Variants in VDAC1 observed in about 807,000 individuals in gnomAD.
VDAC1 encodes the protein non-selective voltage-gated ion channel VDAC1.
A neutral mutation model predicts 34.7 loss-of-function variants in VDAC1; 10 were observed. That is an observed-to-expected ratio of 0.29 (90% CI 0.18 to 0.49). The LOEUF (loss-of-function observed/expected upper bound fraction) is 0.49, where lower values mean the gene tolerates loss of function less well. Ranked by LOEUF, VDAC1 falls within the 20% of genes least tolerant of loss-of-function variation. The pLI is 0.99. For missense variants in VDAC1, 230 were observed against 347.9 expected, an observed-to-expected ratio of 0.66 and a Z score of 2.69; for synonymous variants, 130 against 136.0, an observed-to-expected ratio of 0.96 and a Z score of 0.30.
chr5:134,107,827 A>T, the VDAC1 span, among the ~76,000 whole-genome samples: 1 of 152,196 alleles, frequency 6.6e-6, no homozygotes, highest in Non-Finnish European at 1.5e-5. Context: ...GCTCTTTGAG[A>T]CAAATATTAC....
At chr5:133,984,448 G>A (rs1328540805) in intron 5 of VDAC1, among the ~76,000 whole-genome samples, 2 of 147,234 alleles carry the variant, frequency 1.4e-5, no homozygotes, top group African/African-American at 5.0e-5. Context: ...GTGTGTGTGT[G>A]TGTGTGTGTG....
chr5:134,068,204 T>C, the VDAC1 span, among the ~76,000 whole-genome samples: 1 of 152,220 alleles, frequency 6.6e-6, no homozygotes, highest in African/African-American at 2.4e-5. Flanking sequence ...CAGTTTATTT[T>C]TTTTTCTCAT....
chr5:134,035,042 C>T, the VDAC1 span, among the ~76,000 whole-genome samples: 1 of 151,860 alleles, frequency 6.6e-6, no homozygotes. Context: ...CTAGGAGCAA[C>T]GACACTCCCA....
the VDAC1 span, among the ~76,000 whole-genome samples, chr5:134,039,558 T>TGACCTCGTGATCCGCC: frequency 2.0e-5 from 3 of 152,110 alleles, no homozygotes; most frequent in Non-Finnish European, 2.9e-5. Context: ...CTCGATCTGC[T>TGACCTCGTGATCCGCC]GACCTCGTGA....
chr5:134,098,562 T>C, the VDAC1 span, among the ~76,000 whole-genome samples: 8 of 152,216 alleles, frequency 5.3e-5, no homozygotes, highest in Non-Finnish European at 1.0e-4. Flanking sequence ...TCTGCTAACC[T>C]CTGACAATGC....
At chr5:134,065,885 C>A in the VDAC1 span, among the ~76,000 whole-genome samples, 1 of 138,608 alleles carries the variant, frequency 7.2e-6, no homozygotes, top group South Asian at 2.3e-4. Flanking sequence ...CCTCTGCCTT[C>A]TGGTTTCAAG....
At chr5:134,086,251 ACTGC>A in the VDAC1 span, among the ~76,000 whole-genome samples, 1 of 152,158 alleles carries the variant, frequency 6.6e-6, no homozygotes, top group Non-Finnish European at 1.5e-5. Context: ...TAGACATGAA[ACTGC>A]TTTAGAAAGA....
chr5:134,034,753 G>A, the VDAC1 span, among the ~76,000 whole-genome samples: 1 of 152,196 alleles, frequency 6.6e-6, no homozygotes, highest in Non-Finnish European at 1.5e-5. Flanking sequence ...GGCGGACAGT[G>A]AGAGCCAGGT....
the VDAC1 span, among the ~76,000 whole-genome samples, chr5:134,030,281 C>T: frequency 1.5e-3 from 228 of 151,462 alleles, 2 homozygotes; most frequent in East Asian, 0.026. Context: ...TGGAGGTCCG[C>T]GGTGAGCAAG....
chr5:134,035,830 C>A, the VDAC1 span, among the ~76,000 whole-genome samples: 1 of 151,972 alleles, frequency 6.6e-6, no homozygotes, highest in African/African-American at 2.4e-5. Flanking sequence ...GATGGTGAAA[C>A]CCCGTCTCTA....
At chr5:134,113,995 G>T in the VDAC1 span, among the ~76,000 whole-genome samples, 2 of 152,222 alleles carry the variant, frequency 1.3e-5, no homozygotes, top group African/African-American at 4.8e-5. Flanking sequence ...GGACTTGGAG[G>T]ATCGGCTGAG....
chr5:134,010,978 T>TG, the VDAC1 span, among the ~76,000 whole-genome samples: 1 of 151,780 alleles, frequency 6.6e-6, no homozygotes, highest in Non-Finnish European at 1.5e-5. Context: ...CCTTTTTTTT[T>TG]TTTTGTAGGG....
the VDAC1 span, among the ~76,000 whole-genome samples, chr5:134,047,899 C>T: frequency 2.0e-5 from 3 of 151,670 alleles, no homozygotes; most frequent in Non-Finnish European, 4.4e-5. Flanking sequence ...GACATTGCAT[C>T]ATAAGAGGCT....
the VDAC1 span, among the ~76,000 whole-genome samples, chr5:134,016,246 A>T: frequency 6.6e-6 from 1 of 152,206 alleles, no homozygotes; most frequent in African/African-American, 2.4e-5. Flanking sequence ...ACTCGGGCCC[A>T]GTGCTGGTAC....
chr5:133,987,453 G>A (rs1050043946), intron 5 of VDAC1, among the ~76,000 whole-genome samples: 1 of 152,192 alleles, frequency 6.6e-6, no homozygotes. Context: ...TGAGACGGGT[G>A]GATCGCTTGA....
intron 5 of VDAC1, among the ~76,000 whole-genome samples, chr5:133,984,551 C>T (rs764300216): frequency 6.6e-6 from 1 of 151,898 alleles, no homozygotes; most frequent in African/African-American, 2.4e-5. Context: ...TCCAAAAATG[C>T]TAGGATTACA....
chr5:134,061,173 T>A, the VDAC1 span, among the ~76,000 whole-genome samples: 1 of 150,756 alleles, frequency 6.6e-6, no homozygotes, highest in African/African-American at 2.4e-5. Flanking sequence ...CCTCCTTTTT[T>A]TTTTTTTTTT....
chr5:133,978,600 T>C (rs543572708), intron 6 of VDAC1, among the ~76,000 whole-genome samples: 4 of 152,338 alleles, frequency 2.6e-5, no homozygotes, highest in Admixed American at 1.3e-4. Context: ...TGAATGACTT[T>C]AGTAATATAT....
intron 1 of VDAC1, among the ~76,000 whole-genome samples, chr5:133,999,510 G>A (rs1277530816): frequency 6.6e-6 from 1 of 152,192 alleles, no homozygotes; most frequent in Admixed American, 6.5e-5. Flanking sequence ...TGCTGTCCAT[G>A]GGCTTATGAT....
Sources: allele counts gnomAD v4.1 joint callset (sites outside exome capture counted in the v4.1 genomes callset), GRCh38; gene constraint gnomAD v4.1.1; transcripts MANE v1.5; gene names NCBI Gene and HGNC (gene_info 2026-07-23, HGNC 2026-07-21).